Variants in ANKRD55 observed in about 807,000 individuals in gnomAD.
ANKRD55 encodes the protein ankyrin repeat domain-containing protein 55.
A neutral mutation model predicts 60.6 loss-of-function variants in ANKRD55; 41 were observed. The ratio of observed to expected loss-of-function variants is 0.68; its 90% CI spans 0.53 to 0.88. The LOEUF (loss-of-function observed/expected upper bound fraction) is 0.88. Among genes scored for constraint, ANKRD55 ranks in the 40% least tolerant of loss-of-function variants. The pLI is 0.00. For synonymous variants in ANKRD55, 264 were observed against 290.3 expected (o/e 0.91, Z 0.92); for missense variants, 732 against 767.6 (o/e 0.95, Z 0.55).
chr5:56,151,156 C>CTAATTCACCTGAAATACCA (rs1008907943), intron 6 of ANKRD55, among the ~76,000 whole-genome samples: 2 of 152,246 alleles, frequency 1.3e-5, no homozygotes, highest in African/African-American at 4.8e-5. Flanking sequence ...CTGCACCCAG[C>CTAATTCACCTGAAATACCA]CTAATTTCAG....
At chr5:56,205,856 A>C (rs1759491872) in intron 2 of ANKRD55, among the ~76,000 whole-genome samples, 1 of 152,014 alleles carries the variant, frequency 6.6e-6, no homozygotes, top group African/African-American at 2.4e-5. Context: ...CTGAGCTTTG[A>C]GTTATCCCTG....
At chr5:56,120,693 A>T (rs1183204521) in intron 8 of ANKRD55, among the ~76,000 whole-genome samples, 2 of 151,984 alleles carry the variant, frequency 1.3e-5, no homozygotes, top group Admixed American at 6.6e-5. Flanking sequence ...AGGTCAGGAG[A>T]TCGAGACCAT....
chr5:56,158,281 AAT>A (rs1391210245), intron 6 of ANKRD55, among the ~76,000 whole-genome samples: 2 of 152,162 alleles, frequency 1.3e-5, no homozygotes, highest in Admixed American at 1.3e-4. Flanking sequence ...CTTCCTTGAA[AAT>A]AATGTAATCG....
intron 2 of ANKRD55, among the ~76,000 whole-genome samples, chr5:56,220,358 TA>T (rs1237007535): frequency 2.0e-5 from 3 of 152,050 alleles, no homozygotes; most frequent in African/African-American, 7.2e-5. Flanking sequence ...CAACCTGTCC[TA>T]GGGGGTAAGA....
intron 7 of ANKRD55, among the ~76,000 whole-genome samples, chr5:56,131,008 T>A (rs1413160365): frequency 1.3e-5 from 2 of 151,602 alleles, no homozygotes; most frequent in Non-Finnish European, 2.9e-5. Flanking sequence ...ACAAAAGGTG[T>A]AACATACAGG....
At chr5:56,140,161 C>G (rs907052405) in intron 7 of ANKRD55, among the ~76,000 whole-genome samples, 5 of 152,116 alleles carry the variant, frequency 3.3e-5, no homozygotes, top group African/African-American at 1.2e-4. Context: ...GAATAAATGA[C>G]AACGGGAAAT....
chr5:56,149,623 T>A (rs1446807320), intron 6 of ANKRD55, among the ~76,000 whole-genome samples: 2 of 152,176 alleles, frequency 1.3e-5, no homozygotes, highest in Non-Finnish European at 2.9e-5. Flanking sequence ...ACATGGCAGG[T>A]ACTGAACAAA....
At chr5:56,224,586 A>G (rs190824339) in intron 2 of ANKRD55, among the ~76,000 whole-genome samples, 1 of 152,254 alleles carries the variant, frequency 6.6e-6, no homozygotes, top group East Asian at 1.9e-4. Flanking sequence ...TTGATAGACC[A>G]CTAGTAAGAC....
At position 56,102,606 on chromosome 5, in the gene ANKRD55, C is replaced by T. The variant is rs761861643; in HGVS notation, c.1631-20G>A. Reference sequence around the variant, plus strand: ...TTTGTCCTGAAGATAAACATATTTGCATCAATTACTTGAGACTCAACCAAG... The same window carrying T: ...TTTGTCCTGAAGATAAACATATTTGTATCAATTACTTGAGACTCAACCAAG... On this transcript the variant is annotated intron_variant, in intron 10 of 11. Coordinates refer to ENST00000341048, the MANE Select transcript of ANKRD55 (RefSeq NM_024669.3). 3.2e-6 allele frequency: 5 copies of T among 1,578,962 alleles called. No homozygotes were observed. Among genetic ancestry groups the T allele is most frequent in the Non-Finnish European group, 4.4e-6 (5 of 1,149,290 alleles).
intron 3 of ANKRD55, 63 bp downstream of exon 3, chr5:56,183,449 T>A (rs1458241830): frequency 1.9e-6 from 3 of 1,598,476 alleles, no homozygotes; most frequent in Non-Finnish European, 1.7e-6. Flanking sequence ...TGCTCATGTC[T>A]GAAGGCCATC....
chr5:56,218,187 T>G (rs1362684411), intron 2 of ANKRD55, among the ~76,000 whole-genome samples: 3 of 152,232 alleles, frequency 2.0e-5, no homozygotes, highest in Non-Finnish European at 4.4e-5. Context: ...ACTGTGAATA[T>G]TGTTGAAATG....
chr5:56,133,010 A>G (rs1379625234), intron 7 of ANKRD55, among the ~76,000 whole-genome samples: 5 of 152,240 alleles, frequency 3.3e-5, no homozygotes, highest in African/African-American at 1.2e-4. Context: ...GCCTCAAAAT[A>G]TGCGAGGCAA....
Position 56,111,646 on chromosome 5 carries a change from C to G in ANKRD55, c.1102G>C (p.Asp368His), listed in dbSNP as rs1222610103. The G allele has an allele frequency of 1.3e-6, 2 of 1,546,998 alleles. 1 individual carries two copies. The highest frequency in any genetic ancestry group is 2.6e-5 in the South Asian group (2 of 77,292). The change falls in exon 10 of 12, where the codon GAC becomes CAC. Residue 368 changes from aspartate (D) to histidine (H), a missense_variant. Around this residue, in one of 3 missense-constraint regions of ANKRD55, gnomAD observed 597 missense variants for 607.5 expected, o/e 0.98. Coordinates refer to ENST00000341048, the MANE Select transcript of ANKRD55 (RefSeq NM_024669.3). ...GAGGTGTCCTCCTCTCTGTATCGGT[C>G]CCTGCTGGGATCCTTCTGATGGGCT... ...QRAHQKDPSR[D>H]RYREEDTSEV... is the part of the protein sequence containing the mutation.
intron 2 of ANKRD55, among the ~76,000 whole-genome samples, chr5:56,215,458 C>A (rs553657984): frequency 6.6e-6 from 1 of 152,302 alleles, no homozygotes; most frequent in South Asian, 2.1e-4. Flanking sequence ...AAGCCCAGCC[C>A]AGTGGAGCCA....
chr5:56,193,281 G>A, intron 2 of ANKRD55: 1 of 1,085,314 alleles, frequency 9.2e-7, no homozygotes, highest in Non-Finnish European at 1.3e-6. Context: ...GCACTGGGGA[G>A]ATGCATGGAA....
At chr5:56,191,490 C>T (rs1163326632) in intron 2 of ANKRD55, among the ~76,000 whole-genome samples, 1 of 152,104 alleles carries the variant, frequency 6.6e-6, no homozygotes, top group Non-Finnish European at 1.5e-5. Flanking sequence ...TTTCGAAGGG[C>T]TTTTATGCAA....
rs950473273 is a variant in ANKRD55 at position 56,110,921 on chromosome 5, G to A, written c.1630+197C>T. 6.5e-6 allele frequency: 4 copies of A among 616,592 alleles called. No homozygotes were observed. In the African/African-American group the frequency reaches 7.4e-5, roughly 11 times the overall value. 38.2% of individuals were successfully genotyped at this position (616,592 alleles called of 1,614,324 possible). On this transcript the variant is annotated intron_variant, in intron 10 of 11. Transcript: ENST00000341048. The stretch of plus-strand genomic sequence containing the variant: ...TATTTGTACTTGATGATTACTTGAA[G>A]AGGGGAGAAGCAGAATGTTTTCACA...
chr5:56,121,588 G>A (rs1376697701), intron 8 of ANKRD55, among the ~76,000 whole-genome samples: 1 of 151,972 alleles, frequency 6.6e-6, no homozygotes, highest in East Asian at 1.9e-4. Context: ...GGCCAGGCTG[G>A]TCTCGATCTC....
At chr5:56,128,081 A>G (rs1757322370) in intron 7 of ANKRD55, among the ~76,000 whole-genome samples, 1 of 152,212 alleles carries the variant, frequency 6.6e-6, no homozygotes, top group Admixed American at 6.5e-5. Context: ...TTAGACATAC[A>G]TCGAAGGAGT....
Sources: allele counts gnomAD v4.1 joint callset (sites outside exome capture counted in the v4.1 genomes callset), GRCh38; gene constraint gnomAD v4.1.1; regional missense constraint gnomAD v4.1.1; transcripts MANE v1.5; gene names NCBI Gene and HGNC (gene_info 2026-07-23, HGNC 2026-07-21).